GRID2: variants seen among roughly 807,000 people sequenced by gnomAD.
GRID2 encodes the protein glutamate ionotropic receptor delta type subunit 2, also known as glutamate receptor ionotropic, delta-2.
A neutral mutation model predicts 114.8 loss-of-function variants in GRID2; 33 were observed. The observed-to-expected ratio is 0.29, with a 90% CI of 0.22 to 0.38. GRID2 has a LOEUF of 0.38. Ranked by LOEUF, GRID2 falls within the 10% of genes least tolerant of loss-of-function variation. GRID2 has a pLI of 1.00. For synonymous variants in GRID2, 505 were observed against 449.9 expected, an observed-to-expected ratio of 1.12 and a Z score of -1.55; for missense variants, 1,184 against 1,257.7, an observed-to-expected ratio of 0.94 and a Z score of 0.89.
chr4:93,029,212 T>C (rs1172516432), intron 2 of GRID2, among the ~76,000 whole-genome samples: 1 of 152,038 alleles, frequency 6.6e-6, no homozygotes, highest in African/African-American at 2.4e-5. Flanking sequence ...AAAGAAAAAC[T>C]TTATTTTTCT....
At chr4:93,148,248 T>C (rs1447294517) in intron 4 of GRID2, among the ~76,000 whole-genome samples, 1 of 152,154 alleles carries the variant, frequency 6.6e-6, no homozygotes, top group African/African-American at 2.4e-5. Context: ...CTTTTCTAAA[T>C]ATGTTTTCTC....
chr4:92,722,110 A>G (rs1464101414), intron 2 of GRID2, among the ~76,000 whole-genome samples: 2 of 152,172 alleles, frequency 1.3e-5, no homozygotes, highest in African/African-American at 2.4e-5. Flanking sequence ...TGGACTGGCA[A>G]TGGCTAAATC....
chr4:93,715,464 G>A (rs1348314506), intron 14 of GRID2, among the ~76,000 whole-genome samples: 1 of 152,154 alleles, frequency 6.6e-6, no homozygotes, highest in Non-Finnish European at 1.5e-5. Flanking sequence ...CTAATTCTGT[G>A]AAGAATGTCA....
intron 8 of GRID2, among the ~76,000 whole-genome samples, chr4:93,316,339 A>AGAAAGAAAGAAGGAAGGAAGGAAG (rs1192535496): frequency 1.8e-5 from 1 of 54,960 alleles, no homozygotes; most frequent in African/African-American, 6.0e-5. Flanking sequence ...AAAGAAAGAA[A>AGAAAGAAAGAAGGAAGGAAGGAAG]GAAGGAAGGA....
chr4:92,499,176 G>T (rs1450506), intron 1 of GRID2, among the ~76,000 whole-genome samples: 10 of 151,644 alleles, frequency 6.6e-5, no homozygotes, highest in Admixed American at 3.3e-4. Context: ...TGAAGTTATT[G>T]ATTACATTTC....
intron 2 of GRID2, among the ~76,000 whole-genome samples, chr4:93,022,040 A>T (rs144448854): frequency 6.6e-6 from 1 of 151,586 alleles, no homozygotes; most frequent in African/African-American, 2.4e-5. Context: ...AGAAATACAG[A>T]AAATATATTA....
chr4:92,827,746 T>C (rs1268401922), intron 2 of GRID2, among the ~76,000 whole-genome samples: 1 of 152,076 alleles, frequency 6.6e-6, no homozygotes, highest in Non-Finnish European at 1.5e-5. Flanking sequence ...ATGAATGATA[T>C]ATGAAGAGAT....
At chr4:92,610,861 A>G (rs1320573986) in intron 2 of GRID2, among the ~76,000 whole-genome samples, 1 of 151,722 alleles carries the variant, frequency 6.6e-6, no homozygotes, top group Non-Finnish European at 1.5e-5. Context: ...TTTGATGTTT[A>G]TCTATGTTGT....
At chr4:92,812,774 T>A (rs989051817) in intron 2 of GRID2, among the ~76,000 whole-genome samples, 15 of 152,144 alleles carry the variant, frequency 9.9e-5, no homozygotes, top group Admixed American at 3.9e-4. Flanking sequence ...CTGGCATGTT[T>A]GACATTCCCA....
At chr4:93,706,368 A>C (rs1034306247) in intron 14 of GRID2, among the ~76,000 whole-genome samples, 1 of 151,744 alleles carries the variant, frequency 6.6e-6, no homozygotes, top group African/African-American at 2.4e-5. Flanking sequence ...TTTGTGTACT[A>C]TTTTTTATGT....
At chr4:92,356,757 A>G (rs910784809) in intron 1 of GRID2, among the ~76,000 whole-genome samples, 13 of 151,752 alleles carry the variant, frequency 8.6e-5, no homozygotes, top group South Asian at 4.1e-4. Flanking sequence ...CATTGTTTCT[A>G]TAGTAACTAA....
At chr4:93,076,755 T>A (rs1230371263) in intron 2 of GRID2, among the ~76,000 whole-genome samples, 2 of 151,820 alleles carry the variant, frequency 1.3e-5, no homozygotes, top group Non-Finnish European at 2.9e-5. Context: ...GTAGCTGGGA[T>A]TACAGGCAGG....
intron 2 of GRID2, among the ~76,000 whole-genome samples, chr4:92,765,316 C>A (rs1738206623): frequency 6.6e-6 from 1 of 152,022 alleles, no homozygotes; most frequent in Non-Finnish European, 1.5e-5. Context: ...AACATAAAAG[C>A]AAATTACTTG....
intron 2 of GRID2, among the ~76,000 whole-genome samples, chr4:92,858,194 A>G (rs909323990): frequency 1.3e-5 from 2 of 152,200 alleles, no homozygotes; most frequent in East Asian, 1.9e-4. Context: ...TTCATTCTGA[A>G]GAACTGAGTA....
intron 14 of GRID2, among the ~76,000 whole-genome samples, chr4:93,761,071 G>A (rs1733166957): frequency 6.6e-6 from 1 of 152,184 alleles, no homozygotes; most frequent in Admixed American, 6.5e-5. Context: ...GGATTATGTG[G>A]CCATTGTTCA....
intron 2 of GRID2, among the ~76,000 whole-genome samples, chr4:92,668,727 C>T (rs1351436907): frequency 6.6e-6 from 1 of 151,860 alleles, no homozygotes; most frequent in Non-Finnish European, 1.5e-5. Flanking sequence ...ATATGCTGTT[C>T]TCTTCATAAA....
At chr4:93,806,687 T>A (rs1269914318) in intron 1 of GRID2, 2 of 152,264 alleles carry the variant, frequency 1.3e-5, no homozygotes, top group African/African-American at 4.8e-5. Flanking sequence ...TCAACCTTGA[T>A]GTGACCTTAT....
chr4:92,768,534 GCATTATC>G (rs917165521), intron 2 of GRID2, among the ~76,000 whole-genome samples: 91 of 152,262 alleles, frequency 6.0e-4, no homozygotes, highest in African/African-American at 2.0e-3. Context: ...ATAGCAGTGG[GCATTATC>G]CTGGTGTATT....
intron 11 of GRID2, among the ~76,000 whole-genome samples, chr4:93,461,250 A>C (rs1250708300): frequency 6.6e-6 from 1 of 152,134 alleles, no homozygotes; most frequent in Non-Finnish European, 1.5e-5. Context: ...CTATTCTTCC[A>C]CTTGCTAACA....
Sources: allele counts gnomAD v4.1 joint callset (sites outside exome capture counted in the v4.1 genomes callset), GRCh38; gene constraint gnomAD v4.1.1; transcripts MANE v1.5; gene names NCBI Gene and HGNC (gene_info 2026-07-23, HGNC 2026-07-21).